The following FGFR1OP2 variants were observed in gnomAD, a reference collection of about 807,000 sequenced individuals.
The protein encoded by FGFR1OP2 is FGFR1 oncogene partner 2.
In FGFR1OP2, 17 loss-of-function variants were observed where a neutral mutation model predicts 35.2. That is an observed-to-expected ratio of 0.48 (90% CI 0.33 to 0.73). FGFR1OP2 has a LOEUF of 0.73. Ranked by LOEUF, FGFR1OP2 falls within the 30% of genes least tolerant of loss-of-function variation. The pLI, the probability that FGFR1OP2 is intolerant of heterozygous loss-of-function variation, is 0.02. For synonymous variants in FGFR1OP2, 105 were observed against 104.6 expected, an observed-to-expected ratio of 1.00 and a Z score of -0.03; for missense variants, 251 against 307.3, an observed-to-expected ratio of 0.82 and a Z score of 1.37.
intron 1 of FGFR1OP2, among the ~76,000 whole-genome samples, chr12:26,947,499 A>G (rs1938848356): frequency 6.6e-6 from 1 of 152,062 alleles, no homozygotes; most frequent in African/African-American, 2.4e-5. Flanking sequence ...CTGCGCCCTC[A>G]CCGTTCCGAG....
rs1378745738 is a variant in FGFR1OP2 at position 26,965,342 on chromosome 12, CTTGT to C, written c.*612_*615del. 1.3e-5 allele frequency: 2 copies of C among 152,438 alleles called. No homozygotes were observed. Among genetic ancestry groups the C allele is most frequent in the Non-Finnish European group, 2.9e-5 (2 of 67,962 alleles). 9.4% of individuals were successfully genotyped at this position (152,438 alleles called of 1,614,324 possible). ...ATACTTAGCTAACAATTGTCCATAACTTGTTTAAGTGTAAGAAATACCATTTCAG... is the reference window on the plus strand; with the variant it reads ...ATACTTAGCTAACAATTGTCCATAACTTAAGTGTAAGAAATACCATTTCAG... On this transcript the variant is annotated 3_prime_UTR_variant, in exon 7 of 7. Coordinates refer to ENST00000229395, the MANE Select transcript of FGFR1OP2 (RefSeq NM_015633.3).
intron 1 of FGFR1OP2, among the ~76,000 whole-genome samples, chr12:26,950,991 G>A (rs1191444716): frequency 6.6e-6 from 1 of 152,084 alleles, no homozygotes; most frequent in African/African-American, 2.4e-5. Context: ...TAGAAATTTT[G>A]GATGGTTTCC....
rs568768305 is a variant in FGFR1OP2 at position 26,964,661 on chromosome 12, A to G, written c.690A>G (p.Lys230=). Residue 230 remains lysine, a synonymous_variant, in exon 7 of 7, where the codon AAA becomes AAG. Transcript: ENST00000229395. ...ITRESFLNLR[K]DDASESTSLS... ...GAGAATCATTTTTGAACCTAAGGAA[A>G]GATGATGCGTCGGAAAGTACTTCTT... The G allele has an allele frequency of 1.5e-5, 25 of 1,612,962 alleles. 1 individual carries two copies. In the South Asian group the frequency reaches 2.0e-4, roughly 13 times the overall value.
chr12:26,954,243 CTGAT>C lies in FGFR1OP2; in HGVS notation c.89_92del (p.Ile30SerfsTer10). 6.2e-7 allele frequency: 1 copy of C among 1,612,320 alleles called. No individual in the cohort carries two copies. Among genetic ancestry groups the C allele is most frequent in the Non-Finnish European group, 8.5e-7 (1 of 1,178,964 alleles). ...AGATCATGACGATGCAGCAGAATCT[CTGAT>C]TGAGCAAACCACAGCTCTCAACAAG... is the stretch of plus-strand genomic sequence containing the variant. On this transcript the variant is annotated frameshift_variant, in exon 2 of 7. Transcript: ENST00000229395. LOFTEE classifies it high-confidence loss of function.
intron 1 of FGFR1OP2, among the ~76,000 whole-genome samples, chr12:26,946,782 C>A (rs11048780): frequency 0.076 from 11,554 of 152,132 alleles, 545 homozygotes; most frequent in East Asian, 0.14. Context: ...AACATTTTTC[C>A]CGCGCAAAAA....
rs2136364436 is a variant in FGFR1OP2 at position 26,966,638 on chromosome 12, A to G, written c.*1905A>G. On this transcript the variant is annotated 3_prime_UTR_variant, in exon 7 of 7. Transcript: ENST00000229395. The stretch of plus-strand genomic sequence containing the variant: ...CCTATTTTATTATTAAAGATGAATG[A>G]TTAAAATTGGTATGGTCTCCAATTT... 2 of 151,628 alleles carry G rather than the reference A, an allele frequency of 1.3e-5. No homozygotes were observed. Among genetic ancestry groups the G allele is most frequent in the African/African-American group, 4.8e-5 (2 of 41,356 alleles). 9.4% of individuals were successfully genotyped at this position (151,628 alleles called of 1,614,324 possible). A position where few individuals can be genotyped will look rare whatever the true frequency, so the allele number is the denominator to read the frequency against.
chr12:26,943,009 A>G (rs1402218316), intron 1 of FGFR1OP2, among the ~76,000 whole-genome samples: 2 of 152,194 alleles, frequency 1.3e-5, no homozygotes, highest in Non-Finnish European at 2.9e-5. Context: ...ATGTTTACAA[A>G]AACCTTTGCC....
At chr12:26,950,371 T>G (rs1592249245) in intron 1 of FGFR1OP2, among the ~76,000 whole-genome samples, 1 of 151,800 alleles carries the variant, frequency 6.6e-6, no homozygotes, top group Admixed American at 6.6e-5. Flanking sequence ...TACAGGCGCA[T>G]GCCACTACGC....
chr12:26,955,930 G>A (rs1178725214), intron 2 of FGFR1OP2, among the ~76,000 whole-genome samples: 4 of 152,070 alleles, frequency 2.6e-5, no homozygotes, highest in African/African-American at 9.7e-5. Context: ...AAGCTTGTCC[G>A]ACCTGTGACT....
chr12:26,960,801 T>G, intron 5 of FGFR1OP2, 173 bp downstream of exon 5: 2 of 1,056,676 alleles, frequency 1.9e-6, no homozygotes, highest in Non-Finnish European at 2.5e-6. Context: ...TTTAAATCTC[T>G]CATTAATTTT....
chr12:26,947,981 CTG>C (rs1489170216), intron 1 of FGFR1OP2, among the ~76,000 whole-genome samples: 2 of 151,974 alleles, frequency 1.3e-5, no homozygotes, highest in Non-Finnish European at 2.9e-5. Flanking sequence ...ACTATTATCT[CTG>C]TGCAGTTATT....
At chr12:26,957,519 G>C (rs541740829) in intron 3 of FGFR1OP2, 82 bp from the exon 4 acceptor site, 1 of 1,243,942 alleles carries the variant, frequency 8.0e-7, no homozygotes, top group African/African-American at 1.5e-5. Flanking sequence ...AAAATGTCCC[G>C]TTCATAAGTT....
intron 1 of FGFR1OP2, among the ~76,000 whole-genome samples, chr12:26,946,162 T>G (rs144582358): frequency 1.3e-5 from 2 of 152,196 alleles, no homozygotes. Context: ...TTCAGTTGTT[T>G]GAGTTAGTGC....
In FGFR1OP2 at chr12:26,956,607, T is replaced by G. The variant is rs144362881; in HGVS notation, c.200T>G (p.Met67Arg). ...CATCGGCCACGGTCCACGTTAGTTA[T>G]GGGAATCCAGCAAGAAAACAGACAA... ...ARHRPRSTLV[M>R]GIQQENRQIR... The change falls in exon 3 of 7, where the codon ATG becomes AGG. Residue 67 changes from methionine (M) to arginine (R), a missense_variant. By Grantham distance (91) the Met-to-Arg change is moderately conservative. Transcript: ENST00000229395. 12 of 1,607,048 alleles carry G rather than the reference T, an allele frequency of 7.5e-6. No homozygotes were observed. In the Admixed American group the frequency reaches 2.0e-4, roughly 27 times the overall value.
intron 4 of FGFR1OP2, 95 bp downstream of exon 4, chr12:26,957,838 G>A (rs1939047886): frequency 9.6e-7 from 1 of 1,042,374 alleles, no homozygotes; most frequent in Non-Finnish European, 1.3e-6. Context: ...CAGGTATCTA[G>A]TAATGGCATT....
At chr12:26,943,071 G>A (rs1938762211) in intron 1 of FGFR1OP2, among the ~76,000 whole-genome samples, 1 of 152,014 alleles carries the variant, frequency 6.6e-6, no homozygotes, top group South Asian at 2.1e-4. Flanking sequence ...AAGTGTTATT[G>A]TTTTTAATTT....
chr12:26,949,639 T>A (rs563701822), intron 1 of FGFR1OP2, among the ~76,000 whole-genome samples: 3 of 151,828 alleles, frequency 2.0e-5, no homozygotes, highest in African/African-American at 7.3e-5. Context: ...AGTGCAATGA[T>A]GCGATCTTGG....
At chr12:26,963,312 T>C (rs753511273) in intron 5 of FGFR1OP2, 30 bp from the exon 6 acceptor site, 7 of 1,467,246 alleles carry the variant, frequency 4.8e-6, no homozygotes, top group Middle Eastern at 1.8e-4. Flanking sequence ...AGTATTTTGC[T>C]GATTTCCAAC....
chr12:26,954,337 C>A, intron 2 of FGFR1OP2, 44 bp downstream of exon 2: 1 of 1,548,574 alleles, frequency 6.5e-7, no homozygotes, highest in South Asian at 1.2e-5. Context: ...CAAAAGCAGT[C>A]ATTGACATTT....
Sources: gnomAD v4.1 joint callset for allele counts (sites outside exome capture counted in the v4.1 genomes callset) on GRCh38, gnomAD v4.1.1 for gene constraint, MANE v1.5 for transcripts, NCBI Gene and HGNC (gene_info 2026-07-23, HGNC 2026-07-21) for gene names.